Variants in ASPM observed in about 807,000 individuals in gnomAD.
The protein encoded by ASPM is assembly factor for spindle microtubules.
Under a neutral mutation model 366.4 loss-of-function variants are expected in ASPM, and 256 were observed. That is an observed-to-expected ratio of 0.70 (90% CI 0.63 to 0.77). ASPM has a LOEUF of 0.77. Among genes scored for constraint, ASPM ranks in the 30% least tolerant of loss-of-function variants. ASPM has a pLI of 0.00. For synonymous variants in ASPM, 1,414 were observed against 1,342.9 expected (o/e 1.05, Z -1.16); for missense variants, 4,146 against 4,090.4 (o/e 1.01, Z -0.37).
chr1:197,124,043 G>GT, intron 13 of ASPM, 67 bp downstream of exon 13: 1 of 1,387,948 alleles, frequency 7.2e-7, no homozygotes, highest in Non-Finnish European at 1.0e-6. Flanking sequence ...CAGGCATTAA[G>GT]TTTAAGTGAC....
At chr1:197,108,013 A>T (rs553643076) in intron 17 of ASPM, among the ~76,000 whole-genome samples, 1 of 152,128 alleles carries the variant, frequency 6.6e-6, no homozygotes, top group Non-Finnish European at 1.5e-5. Flanking sequence ...GATAGACCAT[A>T]TTGTGGATCA....
chr1:197,139,440 C>CA, intron 4 of ASPM: 3 of 553,602 alleles, frequency 5.4e-6, no homozygotes, highest in Admixed American at 3.1e-5. Flanking sequence ...ACTAAAAATA[C>CA]AAAAAAATTA....
chr1:197,130,658 C>T (rs1375729462), intron 7 of ASPM, among the ~76,000 whole-genome samples: 1 of 152,088 alleles, frequency 6.6e-6, no homozygotes, highest in Non-Finnish European at 1.5e-5. Context: ...TTAATTATTA[C>T]CTACCAAAAT....
At chr1:197,110,063 CAT>C (rs369181028) in intron 17 of ASPM, among the ~76,000 whole-genome samples, 33 of 151,918 alleles carry the variant, frequency 2.2e-4, no homozygotes, top group Non-Finnish European at 2.1e-4. Context: ...TTTTTGAGGA[CAT>C]AGAAAAACTA....
intron 7 of ASPM, among the ~76,000 whole-genome samples, chr1:197,131,074 A>G (rs1658241262): frequency 6.6e-6 from 1 of 152,222 alleles, no homozygotes; most frequent in African/African-American, 2.4e-5. Flanking sequence ...CTTGCCAACT[A>G]TTTAAAGGGA....
In ASPM at chr1:197,104,975, T is replaced by C. The variant is rs770161657; in HGVS notation, c.4276A>G (p.Ile1426Val). 11 of 1,611,930 alleles carry C rather than the reference T, an allele frequency of 6.8e-6. No individual in the cohort carries two copies. The highest frequency in any genetic ancestry group is 6.7e-5 in the African/African-American group (5 of 74,932). ...RYEMLKSSTL[I>V]IQSMFRKWKQ... ...CATTTTCTGAACATAGATTGGATTATAAGAGTTGATGATTTTAGCATTTCA... is the reference window on the plus strand; with the variant it reads ...CATTTTCTGAACATAGATTGGATTACAAGAGTTGATGATTTTAGCATTTCA... The change falls in exon 18 of 28, where the codon ATA becomes GTA. Residue 1426 changes from isoleucine (I) to valine (V), a missense_variant. Ile to Val is a conservative substitution (Grantham distance 29). This residue lies in a region of ASPM where 3,624 missense variants were observed against 3,591.7 expected (regional missense o/e 1.01). Transcript: ENST00000367409.
intron 26 of ASPM, among the ~76,000 whole-genome samples, chr1:197,087,471 T>C (rs1656632251): frequency 6.6e-6 from 1 of 152,202 alleles, no homozygotes; most frequent in Non-Finnish European, 1.5e-5. Flanking sequence ...AAGGCAATTA[T>C]AAGGAAGATA....
rs181003510 is a variant in ASPM, at chr1:197,092,577, C to T, written c.9294+475G>A. Reference sequence around the variant, plus strand: ...ACATTCCTCCTATTTAACTTCAAATCAAATTGTTTTGTCTATGCCAGTACT... The same window carrying T: ...ACATTCCTCCTATTTAACTTCAAATTAAATTGTTTTGTCTATGCCAGTACT... On this transcript the variant is annotated intron_variant, in intron 21 of 27. Coordinates refer to ENST00000367409, the MANE Select transcript of ASPM (RefSeq NM_018136.5). Among the ~76,000 whole-genome samples, 20 of 151,974 alleles carry T rather than the reference C, an allele frequency of 1.3e-4. No homozygotes were observed. The East Asian group carries it at 3.1e-3, about 24-fold the overall frequency.
At chr1:197,118,744 C>G (rs1227287993) in intron 16 of ASPM, among the ~76,000 whole-genome samples, 1 of 152,148 alleles carries the variant, frequency 6.6e-6, no homozygotes, top group Non-Finnish European at 1.5e-5. Context: ...CACTAGAAAA[C>G]TGAGGCAATG....
intron 4 of ASPM, among the ~76,000 whole-genome samples, chr1:197,137,957 C>T (rs1658471839): frequency 6.6e-6 from 1 of 151,964 alleles, no homozygotes; most frequent in African/African-American, 2.4e-5. Flanking sequence ...TAATCAAAAT[C>T]CAATCTTTTA....
At chr1:197,130,248 G>A (rs139728426) in intron 7 of ASPM, among the ~76,000 whole-genome samples, 192 bp from the exon 8 acceptor site, 10 of 152,046 alleles carry the variant, frequency 6.6e-5, no homozygotes, top group African/African-American at 2.2e-4. Flanking sequence ...TATAGTATAC[G>A]TTGCAATGCA....
rs1658321272 is a variant in ASPM, at chr1:197,133,369, T to G, written c.2400A>C (p.Arg800Ser). ...EARRLIVRKD[R>S]HLWKDVGERQ... is the part of the protein sequence containing the mutation. ...TCTTACCCACATCTTTCCATAGGTG[T>G]CTATCTTTTCGAACAATTAACCGCC... The change falls in exon 6 of 28, where the codon AGA becomes AGC. Residue 800 changes from arginine (R) to serine (S), a missense_variant. By Grantham distance (110) the Arg-to-Ser change is moderately radical (BLOSUM62 -1). Transcript: ENST00000367409. 1 of 1,613,886 alleles carries G rather than the reference T, an allele frequency of 6.2e-7. No homozygotes were observed. Among genetic ancestry groups the G allele is most frequent in the Middle Eastern group, 1.7e-4 (1 of 6,060 alleles).
chr1:197,135,494 T>A (rs1388095524), intron 4 of ASPM, among the ~76,000 whole-genome samples: 1 of 152,220 alleles, frequency 6.6e-6, no homozygotes, highest in Non-Finnish European at 1.5e-5. Context: ...TAAAGTCTGA[T>A]AGAATATCTT....
chr1:197,129,175 T>C lies in ASPM; in HGVS notation c.2760+12A>G, dbSNP rs770838402. ...GAAATATAAAATATAAAGCATACAATGAAAAGCATACCTTGAATTCGGCAT... is the reference window on the plus strand; with the variant it reads ...GAAATATAAAATATAAAGCATACAACGAAAAGCATACCTTGAATTCGGCAT... On this transcript the variant is annotated intron_variant, in intron 9 of 27. Coordinates refer to ENST00000367409, the MANE Select transcript of ASPM (RefSeq NM_018136.5). The C allele has an allele frequency of 3.1e-6, 5 of 1,610,350 alleles. No homozygotes were observed. Among genetic ancestry groups the C allele is most frequent in the South Asian group, 2.2e-5 (2 of 90,736 alleles).
chr1:197,097,517 G>C (rs897240315), intron 18 of ASPM, among the ~76,000 whole-genome samples: 2 of 151,678 alleles, frequency 1.3e-5, no homozygotes, highest in Non-Finnish European at 2.9e-5. Flanking sequence ...TAGGCACAAC[G>C]TATATTTAGA....
At chr1:197,139,394 C>T (rs182484827) in intron 4 of ASPM, 64 of 566,278 alleles carry the variant, frequency 1.1e-4, no homozygotes, top group African/African-American at 6.9e-4. Context: ...GGAGATTGCC[C>T]GACCACCCCG....
intron 4 of ASPM, among the ~76,000 whole-genome samples, chr1:197,138,468 T>C (rs1407277833): frequency 6.6e-6 from 1 of 152,166 alleles, no homozygotes; most frequent in Non-Finnish European, 1.5e-5. Flanking sequence ...CAGCCAACTC[T>C]TGTATTCCCA....
chr1:197,123,985 G>A, intron 13 of ASPM, 125 bp downstream of exon 13: 1 of 770,334 alleles, frequency 1.3e-6, no homozygotes, highest in Non-Finnish European at 2.1e-6. Flanking sequence ...ACTCATTTGA[G>A]GGAAAGTTTG....
chr1:197,102,369 T>G lies in ASPM; in HGVS notation c.6882A>C (p.Arg2294Ser). 1 of 1,612,864 alleles carries G rather than the reference T, an allele frequency of 6.2e-7. No individual in the cohort carries two copies. The highest frequency in any genetic ancestry group is 1.1e-5 in the South Asian group (1 of 91,056). ...SLKKTAILIQ[R>S]KYRAHLCTKH... ...TTGTACAAAGATGTGCCCGATATTT[T>G]CTCTGAATCAAAATAGCAGTTTTCT... Residue 2294 changes from arginine to serine, a missense_variant, in exon 18 of 28, where the codon AGA becomes AGC. Coordinates refer to ENST00000367409, the MANE Select transcript of ASPM (RefSeq NM_018136.5).
Sources: allele counts gnomAD v4.1 joint callset (sites outside exome capture counted in the v4.1 genomes callset), GRCh38; gene constraint gnomAD v4.1.1; regional missense constraint gnomAD v4.1.1; transcripts MANE v1.5; gene names NCBI Gene and HGNC (gene_info 2026-07-23, HGNC 2026-07-21).